Variants in P2RY14 observed in about 807,000 individuals in gnomAD.
P2RY14 encodes the protein P2Y purinoceptor 14.
A neutral mutation model predicts 0.9 loss-of-function variants in P2RY14; 2 were observed. That is an observed-to-expected ratio of 2.16 (90% confidence interval 0.88 to 6.79). The LOEUF is 6.79. Among genes scored for constraint, P2RY14 ranks in the 30% most tolerant of loss-of-function variants. The probability of loss-of-function intolerance (pLI) is 0.05; values close to 1 mark genes in which losing one functional copy is unlikely to be tolerated. For missense variants in P2RY14, 378 were observed against 400.1 expected, an observed-to-expected ratio of 0.94 and a Z score of 0.47; for synonymous variants, 158 against 147.2, an observed-to-expected ratio of 1.07 and a Z score of -0.53.
At chr3:151,261,606 G>A (rs1043892732) in intron 1 of P2RY14, among the ~76,000 whole-genome samples, 4 of 152,116 alleles carry the variant, frequency 2.6e-5, no homozygotes, top group African/African-American at 9.7e-5. Flanking sequence ...AGAACTTGCT[G>A]GAAATGCAAG....
intron 1 of P2RY14, among the ~76,000 whole-genome samples, chr3:151,235,485 C>G (rs975407485): frequency 6.6e-6 from 1 of 152,096 alleles, no homozygotes; most frequent in Non-Finnish European, 1.5e-5. Context: ...GTGGGCAGAT[C>G]ATGAGGTCAG....
chr3:151,217,111 A>G (rs1554121), intron 2 of P2RY14, among the ~76,000 whole-genome samples: 67,950 of 152,070 alleles, frequency 0.45, 17,665 homozygotes, highest in Non-Finnish European at 0.57. Flanking sequence ...TGTGTAATAT[A>G]TAGTTATATG....
At chr3:151,247,960 T>C (rs1462181898) in intron 1 of P2RY14, among the ~76,000 whole-genome samples, 10 of 71,262 alleles carry the variant, frequency 1.4e-4, no homozygotes, top group Non-Finnish European at 1.9e-4. Context: ...CTTCTTCTTC[T>C]TCTTTTTTTT....
At chr3:151,252,236 T>C (rs1737000772) in intron 1 of P2RY14, among the ~76,000 whole-genome samples, 1 of 152,210 alleles carries the variant, frequency 6.6e-6, no homozygotes, top group Non-Finnish European at 1.5e-5. Context: ...AATTTATTAG[T>C]AACCTTCTGT....
intron 1 of P2RY14, chr3:151,261,577 C>G (rs1738889793): frequency 3.3e-5 from 5 of 152,204 alleles, no homozygotes; most frequent in Admixed American, 3.3e-4. Flanking sequence ...GGTTCCTGGG[C>G]CTGGATCAGC....
intron 1 of P2RY14, among the ~76,000 whole-genome samples, chr3:151,270,493 C>T (rs10935833): frequency 0.27 from 40,804 of 151,822 alleles, 5,696 homozygotes; most frequent in South Asian, 0.31. Flanking sequence ...TGCTAAGCCC[C>T]TGTGTATTAG....
intron 1 of P2RY14, among the ~76,000 whole-genome samples, chr3:151,242,816 C>T (rs2149391790): frequency 6.6e-6 from 1 of 151,612 alleles, no homozygotes; most frequent in Non-Finnish European, 1.5e-5. Context: ...TCAAATTACT[C>T]TGAGCTACGG....
intron 1 of P2RY14, among the ~76,000 whole-genome samples, chr3:151,240,114 A>T (rs12639390): frequency 2.6e-5 from 4 of 151,422 alleles, no homozygotes; most frequent in Admixed American, 2.6e-4. Context: ...TCCAGGCTCC[A>T]TAACTGTCAG....
At chr3:151,264,285 G>C (rs1333163784) in intron 1 of P2RY14, among the ~76,000 whole-genome samples, 1 of 152,172 alleles carries the variant, frequency 6.6e-6, no homozygotes, top group Non-Finnish European at 1.5e-5. Context: ...CTTGTTTGCT[G>C]TGACATCAAA....
chr3:151,223,190 A>AAAAC (rs9289833), intron 1 of P2RY14, among the ~76,000 whole-genome samples: 1 of 150,302 alleles, frequency 6.7e-6, no homozygotes, highest in Non-Finnish European at 1.5e-5. Context: ...AAAAAAAAAA[A>AAAAC]CTAGATGTCA....
chr3:151,214,387 C>A, intron 2 of P2RY14, 47 bp from the exon 3 acceptor site: 1 of 1,298,406 alleles, frequency 7.7e-7, no homozygotes. Context: ...TTATGGCCTC[C>A]AAGACATTTG....
chr3:151,218,255 G>C (rs1178030494), intron 2 of P2RY14, among the ~76,000 whole-genome samples: 6 of 152,164 alleles, frequency 3.9e-5, no homozygotes, highest in Non-Finnish European at 8.8e-5. Flanking sequence ...CTTCTCAGTT[G>C]ATTCACTGTT....
Position 151,214,182 on chromosome 3 carries a change from C to G in P2RY14, c.135G>C (p.Trp45Cys), listed in dbSNP as rs149897873. Residue 45 changes from tryptophan (W) to cysteine (C), a missense_variant, in exon 3 of 3, where the codon TGG (tryptophan) becomes TGC (cysteine). Physicochemically the swap from Trp to Cys is radical, Grantham distance 215. Transcript: ENST00000309170. Reference sequence around the variant, plus strand: ...TAGAGCTGGGCACGTAAAAGAATATCCATCCTGACACTCCATTGAGTAGGA... The same window carrying G: ...TAGAGCTGGGCACGTAAAAGAATATGCATCCTGACACTCCATTGAGTAGGA... ...AGILLNGVSG[W>C]IFFYVPSSKS... 1.9e-6 allele frequency: 3 copies of G among 1,613,978 alleles called. No homozygotes were observed. The highest frequency in any genetic ancestry group is 1.3e-5 in the African/African-American group (1 of 74,912).
chr3:151,252,855 G>T (rs1210389794), intron 1 of P2RY14, among the ~76,000 whole-genome samples: 1 of 152,030 alleles, frequency 6.6e-6, no homozygotes, highest in Non-Finnish European at 1.5e-5. Context: ...ACTGGTATTT[G>T]GGGTTGTGTG....
chr3:151,223,765 A>G, intron 1 of P2RY14, among the ~76,000 whole-genome samples: 1 of 152,234 alleles, frequency 6.6e-6, no homozygotes, highest in East Asian at 1.9e-4. Context: ...TGATGGGTTC[A>G]CTAGAAGCCC....
chr3:151,227,590 A>G (rs1166476338), intron 1 of P2RY14, among the ~76,000 whole-genome samples: 2 of 152,150 alleles, frequency 1.3e-5, no homozygotes, highest in African/African-American at 2.4e-5. Flanking sequence ...TGATTATGCA[A>G]ATGGATCATG....
At chr3:151,222,071 A>G (rs1350988225) in intron 1 of P2RY14, among the ~76,000 whole-genome samples, 1 of 152,154 alleles carries the variant, frequency 6.6e-6, no homozygotes, top group Non-Finnish European at 1.5e-5. Flanking sequence ...GAAGTTTACG[A>G]TTTGACTGTC....
chr3:151,263,758 G>T (rs185373772), intron 1 of P2RY14, among the ~76,000 whole-genome samples: 1 of 106,742 alleles, frequency 9.4e-6, no homozygotes, highest in Admixed American at 9.4e-5. Flanking sequence ...CTGGATTCCC[G>T]TACCACCCCC....
intron 1 of P2RY14, among the ~76,000 whole-genome samples, chr3:151,276,491 C>G (rs1477285396): frequency 6.6e-6 from 1 of 152,156 alleles, no homozygotes; most frequent in African/African-American, 2.4e-5. Context: ...CTGGACTGGT[C>G]TGTTTTTGGT....
Sources: gnomAD v4.1 joint callset for allele counts (sites outside exome capture counted in the v4.1 genomes callset) on GRCh38, gnomAD v4.1.1 for gene constraint, MANE v1.5 for transcripts, NCBI Gene and HGNC (gene_info 2026-07-23, HGNC 2026-07-21) for gene names.